GPR19: variants seen among roughly 807,000 people sequenced by gnomAD.
GPR19 encodes G protein-coupled receptor 19.
A neutral mutation model predicts 28.5 loss-of-function variants in GPR19; 14 were observed. The observed-to-expected ratio is 0.49, with a 90% CI of 0.32 to 0.77. The LOEUF is 0.77. Among genes scored for constraint, GPR19 ranks in the 30% least tolerant of loss-of-function variants. The probability of loss-of-function intolerance (pLI) is 0.03; values close to 1 mark genes in which losing one functional copy is unlikely to be tolerated. For missense variants in GPR19, 409 were observed against 504.1 expected, an observed-to-expected ratio of 0.81 and a Z score of 1.81; for synonymous variants, 173 against 184.1, an observed-to-expected ratio of 0.94 and a Z score of 0.49.
At chr12:12,713,161 T>C in the GPR19 span, among the ~76,000 whole-genome samples, 1 of 149,874 alleles carries the variant, frequency 6.7e-6, no homozygotes, top group African/African-American at 2.5e-5. Flanking sequence ...GCCTCCCAGG[T>C]TCAAGCAATT....
intron 3 of GPR19, among the ~76,000 whole-genome samples, chr12:12,676,864 C>T (rs1010492932): frequency 6.6e-6 from 1 of 152,186 alleles, no homozygotes; most frequent in Non-Finnish European, 1.5e-5. Flanking sequence ...GCTGTGTGCT[C>T]ATTGAGTTAG....
intron 3 of GPR19, among the ~76,000 whole-genome samples, chr12:12,675,234 A>T (rs1945913277): frequency 6.6e-6 from 1 of 152,136 alleles, no homozygotes; most frequent in African/African-American, 2.4e-5. Flanking sequence ...GGAGCAGGTT[A>T]GAGAGAAAGA....
chr12:12,709,046 T>A, the GPR19 span, among the ~76,000 whole-genome samples: 1 of 141,566 alleles, frequency 7.1e-6, no homozygotes, highest in African/African-American at 2.7e-5. Context: ...AGACTCCGTC[T>A]AAAAAAAAAA....
In GPR19 at chr12:12,661,521, G is replaced by A. The variant is rs1057177555; in HGVS notation, c.928C>T (p.Leu310Phe). 1 of 1,613,578 alleles carries A rather than the reference G, an allele frequency of 6.2e-7. No homozygotes were observed. Among genetic ancestry groups the A allele is most frequent in the African/African-American group, 1.3e-5 (1 of 74,908 alleles). ...PHEQDYKKSSLVFTAITWISF... is the reference protein window; with the variant it reads ...PHEQDYKKSSFVFTAITWISF... ...ATCCATGTGATAGCTGTGAAAACAA[G>A]GGAACTTTTCTTATAGTCTTGTTCA... The change falls in exon 4 of 4, where the codon CTT becomes TTT. Residue 310 changes from leucine (L) to phenylalanine (F), a missense_variant. Physicochemically the swap from Leu to Phe is conservative, Grantham distance 22 (BLOSUM62 0). Coordinates refer to ENST00000651487, the MANE Select transcript of GPR19 (RefSeq NM_006143.3). This position sits in a 1 kb window ranked among gnomAD's most constrained non-coding sequence, Gnocchi z 4.2.
chr12:12,698,693 C>T (rs1946295686), upstream of GPR19, among the ~76,000 whole-genome samples: 1 of 152,074 alleles, frequency 6.6e-6, no homozygotes, highest in Non-Finnish European at 1.5e-5. Flanking sequence ...TCACTGTGAC[C>T]TCCACCTCCC....
the GPR19 span, among the ~76,000 whole-genome samples, chr12:12,709,910 A>G: frequency 6.6e-6 from 1 of 152,140 alleles, no homozygotes; most frequent in Non-Finnish European, 1.5e-5. Flanking sequence ...CCCTTGTCTG[A>G]TCAACTTCGG....
At chr12:12,712,307 C>T in the GPR19 span, among the ~76,000 whole-genome samples, 1 of 152,216 alleles carries the variant, frequency 6.6e-6, no homozygotes. Context: ...TGTCCCTAGA[C>T]ACTGTCTGTC....
chr12:12,662,046 T>C lies in GPR19; in HGVS notation c.403A>G (p.Ser135Gly). The C allele has an allele frequency of 6.2e-7, 1 of 1,614,240 alleles. No individual in the cohort carries two copies. The highest frequency in any genetic ancestry group is 8.5e-7 in the Non-Finnish European group (1 of 1,180,036). ...QFTTGRWTLG[S>G]ATCKVVRYFQ... is the part of the protein sequence containing the mutation. ...TATCGCACAACCTTGCACGTTGCAC[T>C]ACCCAGCGTCCACCTTCCAGTGGTG... Residue 135 changes from serine (S) to glycine (G), a missense_variant, in exon 4 of 4, where the codon AGT (serine) becomes GGT (glycine). Coordinates refer to ENST00000651487, the MANE Select transcript of GPR19 (RefSeq NM_006143.3).
chr12:12,672,195 G>A (rs756077473), intron 3 of GPR19, among the ~76,000 whole-genome samples: 8 of 152,210 alleles, frequency 5.3e-5, no homozygotes, highest in Non-Finnish European at 1.0e-4. Flanking sequence ...ACAGGCTGCA[G>A]TCCTCCCCTA....
intron 3 of GPR19, among the ~76,000 whole-genome samples, chr12:12,673,941 A>G (rs946529335): frequency 6.6e-6 from 1 of 152,092 alleles, no homozygotes; most frequent in Admixed American, 6.6e-5. Context: ...CAGGGAGAAT[A>G]GTTAACAGGC....
At chr12:12,713,820 C>T in the GPR19 span, among the ~76,000 whole-genome samples, 2 of 152,210 alleles carry the variant, frequency 1.3e-5, no homozygotes, top group Admixed American at 1.3e-4. Context: ...GTGTGAGCCA[C>T]TGCACCTGGC....
the GPR19 span, among the ~76,000 whole-genome samples, chr12:12,710,715 T>A: frequency 2.5e-4 from 38 of 152,032 alleles, no homozygotes; most frequent in South Asian, 8.3e-4. Context: ...TTTTAAAAAA[T>A]TTTTTTGTAG....
intron 2 of GPR19, among the ~76,000 whole-genome samples, chr12:12,685,431 G>A (rs879585938): frequency 1.3e-5 from 2 of 152,170 alleles, no homozygotes; most frequent in Admixed American, 1.3e-4. Context: ...GGGCTGAACT[G>A]GAGAGGCAGG....
At chr12:12,697,153 TAAAAAAAAAAA>T (rs386375639), upstream of GPR19, among the ~76,000 whole-genome samples, 5 of 48,848 alleles carry the variant, frequency 1.0e-4, no homozygotes, top group Non-Finnish European at 1.4e-4. Context: ...TGAAGCGAAG[TAAAAAAAAAAA>T]AAAAAAAAAA....
At chr12:12,671,065 G>A (rs981157456) in intron 3 of GPR19, among the ~76,000 whole-genome samples, 1 of 151,820 alleles carries the variant, frequency 6.6e-6, no homozygotes, top group African/African-American at 2.4e-5. Context: ...TTGGGAAGCC[G>A]AGGTGGGCAG....
chr12:12,716,683 C>T, the GPR19 span: 3 of 844,498 alleles, frequency 3.6e-6, no homozygotes, highest in Admixed American at 6.2e-5. Flanking sequence ...TGATAAGTGC[C>T]GCGTCTACTC....
intron 2 of GPR19, among the ~76,000 whole-genome samples, chr12:12,685,237 T>C (rs910396500): frequency 2.7e-4 from 40 of 149,114 alleles, no homozygotes; most frequent in South Asian, 4.3e-4. Context: ...CCCCATCCCA[T>C]CACCCATCCT....
chr12:12,717,237 G>T, the GPR19 span: 3 of 1,051,506 alleles, frequency 2.9e-6, no homozygotes, highest in Admixed American at 5.4e-5. Context: ...GCTCGGGAAC[G>T]AGGGGAGGTG....
upstream of GPR19, among the ~76,000 whole-genome samples, chr12:12,699,004 C>T (rs765435274): frequency 1.1e-4 from 16 of 152,084 alleles, no homozygotes; most frequent in Non-Finnish European, 1.6e-4. Flanking sequence ...TGGTTTATCA[C>T]AGTCAGTATG....
Sources: gnomAD v4.1 joint callset for allele counts (sites outside exome capture counted in the v4.1 genomes callset) on GRCh38, gnomAD v4.1.1 for gene constraint, Gnocchi (gnomAD v3.1) non-coding constraint, MANE v1.5 for transcripts, NCBI Gene and HGNC (gene_info 2026-07-23, HGNC 2026-07-21) for gene names.